KCTD3: variants seen among roughly 807,000 people sequenced by gnomAD.
The protein encoded by KCTD3 is potassium channel tetramerization domain containing 3.
KCTD3 carries 41 observed loss-of-function variants against 85.8 expected under a neutral mutation model. The observed-to-expected ratio is 0.48, with a 90% CI of 0.37 to 0.62. KCTD3 has a LOEUF of 0.62. KCTD3 is among the 20% of genes least tolerant of loss of function. The probability of loss-of-function intolerance (pLI) is 0.00; values close to 1 mark genes in which losing one functional copy is unlikely to be tolerated. For synonymous variants in KCTD3, 338 were observed against 345.4 expected, an observed-to-expected ratio of 0.98 and a Z score of 0.24; for missense variants, 724 against 989.9, an observed-to-expected ratio of 0.73 and a Z score of 3.60.
chr1:215,583,899 C>T (rs1222792215), intron 8 of KCTD3, among the ~76,000 whole-genome samples: 1 of 152,184 alleles, frequency 6.6e-6, no homozygotes, highest in Non-Finnish European at 1.5e-5. Flanking sequence ...TAAGAAAGCA[C>T]TGAGTAAGCT....
At chr1:215,580,084 ATT>A in intron 8 of KCTD3, 85 bp downstream of exon 8, 2 of 869,516 alleles carry the variant, frequency 2.3e-6, no homozygotes, top group Middle Eastern at 2.3e-4. Context: ...TTGAAAAGCT[ATT>A]TTTTTTTAGT....
chr1:215,583,675 C>T (rs144495153), intron 8 of KCTD3, among the ~76,000 whole-genome samples: 1 of 152,226 alleles, frequency 6.6e-6, no homozygotes, highest in Non-Finnish European at 1.5e-5. Context: ...TTTCCCCTTC[C>T]CTTTTACAAG....
At chr1:215,602,913 T>A (rs1427955834) in intron 12 of KCTD3, among the ~76,000 whole-genome samples, 1 of 152,188 alleles carries the variant, frequency 6.6e-6, no homozygotes, top group East Asian at 1.9e-4. Flanking sequence ...TACCTATGAA[T>A]TTGACTGAAA....
chr1:215,613,375 G>A (rs1327620030), intron 15 of KCTD3, among the ~76,000 whole-genome samples: 1 of 152,100 alleles, frequency 6.6e-6, no homozygotes, highest in Non-Finnish European at 1.5e-5. Flanking sequence ...GTTGATTTGA[G>A]TTCCTTATAG....
chr1:215,575,174 C>T (rs1659527250), intron 3 of KCTD3, among the ~76,000 whole-genome samples: 1 of 152,130 alleles, frequency 6.6e-6, no homozygotes, highest in African/African-American at 2.4e-5. Flanking sequence ...ATTGCTTGAA[C>T]TTAGGAGGTG....
intron 1 of KCTD3, among the ~76,000 whole-genome samples, chr1:215,573,028 A>G (rs1004455857): frequency 1.3e-5 from 2 of 152,174 alleles, no homozygotes; most frequent in African/African-American, 2.4e-5. Flanking sequence ...GTCCCAGTCT[A>G]TTATACTGTA....
rs187245272 is a variant in KCTD3, at chr1:215,612,060, T to C, written c.1562+139T>C. On this transcript the variant is annotated intron_variant, in intron 15 of 17. Transcript: ENST00000259154. ...ACAGAAGTCTGTTATCTCATAATCA[T>C]AACTCAAAATTAAGACAGTAGACTT... 674 of 601,820 alleles carry C rather than the reference T, an allele frequency of 1.1e-3. 2 individuals carry two copies. Among genetic ancestry groups the C allele is most frequent in the Non-Finnish European group, 1.3e-3 (444 of 331,842 alleles). 37.3% of individuals were successfully genotyped at this position (601,820 alleles called of 1,614,324 possible).
chr1:215,620,047 T>C lies in KCTD3; in HGVS notation c.1887-10T>C, dbSNP rs752873551. The stretch of plus-strand genomic sequence containing the variant: ...AATCTGAACTGTCATTTTTAAAAAC[T>C]GTATTTCAGCCTTCAGCTTCAGCAC... On this transcript the variant is annotated splice_polypyrimidine_tract_variant and intron_variant, in intron 17 of 17. Transcript: ENST00000259154. 29 of 1,551,294 alleles carry C rather than the reference T, an allele frequency of 1.9e-5. No individual in the cohort carries two copies. The highest frequency in any genetic ancestry group is 2.4e-5 in the Non-Finnish European group (28 of 1,154,792).
At chr1:215,594,033 T>C (rs1480612421) in intron 9 of KCTD3, among the ~76,000 whole-genome samples, 1 of 152,062 alleles carries the variant, frequency 6.6e-6, no homozygotes, top group Non-Finnish European at 1.5e-5. Context: ...CTAATTTTTG[T>C]ATTTTTAGTA....
Position 215,576,366 on chromosome 1 carries a change from G to T in KCTD3, c.257+392G>T, listed in dbSNP as rs549726898. 1.0e-3 allele frequency among the ~76,000 whole-genome samples: 159 copies of T among 151,600 alleles called. 2 individuals carry two copies. The highest frequency in any genetic ancestry group is 3.6e-3 in the African/African-American group (150 of 41,220). On this transcript the variant is annotated intron_variant, in intron 4 of 17. Coordinates refer to ENST00000259154, the MANE Select transcript of KCTD3 (RefSeq NM_016121.5). Reference sequence around the variant, plus strand: ...TTACAGGAATGAGCCACTACGCCCAGCCAGAAAAGGTTTTTTTTTTTTTAC... The same window carrying T: ...TTACAGGAATGAGCCACTACGCCCATCCAGAAAAGGTTTTTTTTTTTTTAC...
intron 16 of KCTD3, 29 bp downstream of exon 16, chr1:215,619,099 C>A (rs1655565816): frequency 6.2e-7 from 1 of 1,608,428 alleles, no homozygotes; most frequent in Admixed American, 1.7e-5. Flanking sequence ...AGATGTTTGT[C>A]ACAAGGTTAA....
rs1655102550 is a variant in KCTD3, at chr1:215,608,129, G to A, written c.1422G>A (p.Glu474=). ...PLASFKILSL[E]ETESHGSYSS... Reference sequence around the variant, plus strand: ...CGTCATTCAAGATACTATCCCTGGAGGAGACAGAAAGTCATGGTAGCTATT... The same window carrying A: ...CGTCATTCAAGATACTATCCCTGGAAGAGACAGAAAGTCATGGTAGCTATT... Residue 474 remains glutamate (E), a synonymous_variant, in exon 14 of 18, where the codon GAG becomes GAA. Coordinates refer to ENST00000259154, the MANE Select transcript of KCTD3 (RefSeq NM_016121.5). 6.2e-7 allele frequency: 1 copy of A among 1,611,630 alleles called. No homozygotes were observed. The highest frequency in any genetic ancestry group is 1.3e-5 in the African/African-American group (1 of 74,794).
chr1:215,588,748 C>T (rs1429719096), intron 9 of KCTD3, among the ~76,000 whole-genome samples: 1 of 152,144 alleles, frequency 6.6e-6, no homozygotes, highest in Non-Finnish European at 1.5e-5. Context: ...CCAGGTCTAG[C>T]TAATACCAGC....
intron 14 of KCTD3, 142 bp downstream of exon 14, chr1:215,608,314 G>T: frequency 1.2e-5 from 6 of 520,248 alleles, no homozygotes; most frequent in South Asian, 6.2e-5. Context: ...ATTTTAGTGT[G>T]TTTTTCTGAT....
chr1:215,587,101 C>T (rs771522270), intron 9 of KCTD3, among the ~76,000 whole-genome samples: 1 of 151,812 alleles, frequency 6.6e-6, no homozygotes, highest in Non-Finnish European at 1.5e-5. Context: ...TACTCAGGAC[C>T]TGAAAGAATG....
At chr1:215,607,122 T>A (rs994883189) in intron 13 of KCTD3, among the ~76,000 whole-genome samples, 11 of 151,972 alleles carry the variant, frequency 7.2e-5, no homozygotes, top group African/African-American at 2.4e-4. Flanking sequence ...GTTTAAAATA[T>A]GTGTAACTGT....
intron 8 of KCTD3, chr1:215,580,921 G>A (rs1659795647): frequency 3.7e-5 from 17 of 461,702 alleles, no homozygotes; most frequent in South Asian, 2.7e-4. Context: ...GTAATCTCAG[G>A]TTTATATTTT....
intron 14 of KCTD3, 94 bp from the exon 15 acceptor site, chr1:215,611,731 A>G: frequency 1.3e-6 from 1 of 781,858 alleles, no homozygotes. Context: ...CGTATAAGAA[A>G]TTCTTTTCTT....
intron 8 of KCTD3, among the ~76,000 whole-genome samples, chr1:215,584,171 G>C (rs1659928647): frequency 6.6e-6 from 1 of 152,062 alleles, no homozygotes; most frequent in Admixed American, 6.5e-5. Context: ...ATCACTGCTT[G>C]GTCCACAAGG....
Sources: allele counts gnomAD v4.1 joint callset (sites outside exome capture counted in the v4.1 genomes callset), GRCh38; gene constraint gnomAD v4.1.1; transcripts MANE v1.5; gene names NCBI Gene and HGNC (gene_info 2026-07-23, HGNC 2026-07-21).